MTCL2: variants seen among roughly 807,000 people sequenced by gnomAD.
The protein encoded by MTCL2 is microtubule cross-linking factor 2.
chr20:36,794,769 C>CTTT, the MTCL2 span: 23 of 642,272 alleles, frequency 3.6e-5, no homozygotes, highest in Admixed American at 6.0e-5. The surrounding 1 kb of genome is among the most constrained non-coding windows in gnomAD (Gnocchi z 5.4). Flanking sequence ...TCTGCATTTT[C>CTTT]TTTTTTTTTT....
chr20:36,847,849 G>C, the MTCL2 span, among the ~76,000 whole-genome samples: 1 of 105,768 alleles, frequency 9.5e-6, no homozygotes, highest in African/African-American at 3.9e-5. Flanking sequence ...GAGACAGTCT[G>C]ACTCAAAAAA....
At chr20:36,860,707 C>A in the MTCL2 span, among the ~76,000 whole-genome samples, 2 of 152,194 alleles carry the variant, frequency 1.3e-5, no homozygotes, top group Admixed American at 6.5e-5. Flanking sequence ...GGTTGGAAAG[C>A]GTGTTACTGT....
chr20:36,784,238 GAGC>G, the MTCL2 span: 1 of 986,064 alleles, frequency 1.0e-6, no homozygotes, highest in Non-Finnish European at 1.2e-6. Context: ...TCATGGGTGA[GAGC>G]AGCAGCATCC....
chr20:36,790,270 C>T, the MTCL2 span, among the ~76,000 whole-genome samples: 117 of 151,450 alleles, frequency 7.7e-4, 1 homozygote, highest in Non-Finnish European at 2.7e-4. Flanking sequence ...GGATTACAGG[C>T]GTGAGCCACT....
chr20:36,821,350 C>T, the MTCL2 span, among the ~76,000 whole-genome samples: 1 of 151,898 alleles, frequency 6.6e-6, no homozygotes, highest in Non-Finnish European at 1.5e-5. Context: ...GGAGAAACCC[C>T]GTCTCTACTA....
the MTCL2 span, among the ~76,000 whole-genome samples, chr20:36,803,729 G>A: frequency 3.0e-4 from 45 of 152,146 alleles, 1 homozygote; most frequent in Admixed American, 1.5e-3. Flanking sequence ...GCTGAGGCCG[G>A]CAGATCACTT....
chr20:36,802,707 A>G, the MTCL2 span: 4 of 966,800 alleles, frequency 4.1e-6, no homozygotes, highest in East Asian at 1.1e-4. Context: ...AAGTGCCTGG[A>G]TCCAGCTATA....
chr20:36,793,304 A>T, the MTCL2 span: 1 of 1,551,856 alleles, frequency 6.4e-7, no homozygotes, highest in Non-Finnish European at 8.7e-7. This position sits in a 1 kb window ranked among gnomAD's most constrained non-coding sequence, Gnocchi z 6.8. Flanking sequence ...ATCCTTCCCC[A>T]CCTGGGGGAG....
chr20:36,854,498 G>A, the MTCL2 span, among the ~76,000 whole-genome samples: 1 of 152,170 alleles, frequency 6.6e-6, no homozygotes, highest in South Asian at 2.1e-4. Flanking sequence ...AGGCCGGATG[G>A]GAAGAGCAAG....
chr20:36,827,562 G>A, the MTCL2 span, among the ~76,000 whole-genome samples: 1 of 150,766 alleles, frequency 6.6e-6, no homozygotes, highest in Non-Finnish European at 1.5e-5. Flanking sequence ...GAACTCCTAG[G>A]CTCAAGAGAT....
the MTCL2 span, among the ~76,000 whole-genome samples, chr20:36,841,324 G>GA: frequency 1.7e-3 from 249 of 147,464 alleles, 1 homozygote; most frequent in African/African-American, 5.7e-3. Flanking sequence ...CTATCTCCAA[G>GA]AAAAAAAAAC....
the MTCL2 span, among the ~76,000 whole-genome samples, chr20:36,822,488 A>G: frequency 6.6e-6 from 1 of 152,214 alleles, no homozygotes; most frequent in African/African-American, 2.4e-5. Context: ...CTCCCTGTCT[A>G]CAGGCTTCTA....
the MTCL2 span, chr20:36,804,886 T>TTGATGTACTCATTGGGC: frequency 6.2e-7 from 1 of 1,612,848 alleles, no homozygotes; most frequent in Non-Finnish European, 8.5e-7. Context: ...GGCCAGTGTC[T>TTGATGTACTCATTGGGC]TGATGTACTC....
the MTCL2 span, among the ~76,000 whole-genome samples, chr20:36,818,527 T>C: frequency 0.02 from 3,025 of 152,314 alleles, 56 homozygotes; most frequent in Middle Eastern, 0.054. Context: ...TGGTCTGGCA[T>C]AGTGGCTCAT....
chr20:36,804,085 C>A, the MTCL2 span, among the ~76,000 whole-genome samples: 1 of 152,032 alleles, frequency 6.6e-6, no homozygotes, highest in African/African-American at 2.4e-5. Flanking sequence ...AAATTTAACT[C>A]CTCTGTGCCA....
the MTCL2 span, among the ~76,000 whole-genome samples, chr20:36,845,526 C>A: frequency 6.6e-6 from 1 of 152,264 alleles, no homozygotes; most frequent in Admixed American, 6.5e-5. Context: ...CCCCTGCTGG[C>A]ACGGCCCCAC....
At chr20:36,859,996 CTATT>C in the MTCL2 span, 1 of 1,061,848 alleles carries the variant, frequency 9.4e-7, no homozygotes, top group Non-Finnish European at 1.2e-6. Context: ...AATAACCCCT[CTATT>C]TATGGTCCAC....
chr20:36,802,985 C>A, the MTCL2 span: 1 of 1,593,516 alleles, frequency 6.3e-7, no homozygotes, highest in Non-Finnish European at 8.5e-7. Context: ...GCCGAGTCAG[C>A]TCCATGACAG....
At chr20:36,810,545 T>G in the MTCL2 span, among the ~76,000 whole-genome samples, 2 of 152,162 alleles carry the variant, frequency 1.3e-5, no homozygotes, top group Non-Finnish European at 2.9e-5. Flanking sequence ...TGTATGTATG[T>G]TATTATGTTA....
Sources: gnomAD v4.1 joint callset for allele counts (sites outside exome capture counted in the v4.1 genomes callset) on GRCh38, gnomAD v4.1.1 for gene constraint, Gnocchi (gnomAD v3.1) non-coding constraint, MANE v1.5 for transcripts, NCBI Gene and HGNC (gene_info 2026-07-23, HGNC 2026-07-21) for gene names.